B3GAT2: variants seen among roughly 807,000 people sequenced by gnomAD.
B3GAT2 encodes the protein beta-1,3-glucuronyltransferase 2.
Under a neutral mutation model 27.8 loss-of-function variants are expected in B3GAT2, and 26 were observed. The ratio of observed to expected loss-of-function variants is 0.93; its 90% CI spans 0.68 to 1.30. The LOEUF (loss-of-function observed/expected upper bound fraction) is 1.30. Ranked by LOEUF, B3GAT2 falls within the 50% of genes most tolerant of loss-of-function variation. The pLI, the probability that B3GAT2 is intolerant of heterozygous loss-of-function variation, is 0.00. For missense variants in B3GAT2, 458 were observed against 459.0 expected (o/e 1.00, Z 0.02); for synonymous variants, 218 against 195.1 (o/e 1.12, Z -0.98).
chr6:70,883,548 G>A (rs1772132705), intron 2 of B3GAT2, among the ~76,000 whole-genome samples: 2 of 151,972 alleles, frequency 1.3e-5, no homozygotes, highest in Admixed American at 1.3e-4. Context: ...GTAGAATTGT[G>A]GTAACCAGGG....
chr6:70,918,950 A>G (rs985948584), intron 1 of B3GAT2, among the ~76,000 whole-genome samples: 3 of 152,076 alleles, frequency 2.0e-5, no homozygotes, highest in Non-Finnish European at 4.4e-5. Context: ...CTGCCTTGCT[A>G]GGTTGGGGAA....
chr6:70,896,786 C>T (rs1006114186), intron 1 of B3GAT2, among the ~76,000 whole-genome samples: 1 of 152,186 alleles, frequency 6.6e-6, no homozygotes, highest in African/African-American at 2.4e-5. Flanking sequence ...GTAGTTCATA[C>T]CACAGTTTAC....
At chr6:70,896,298 G>A (rs1172438682) in intron 1 of B3GAT2, among the ~76,000 whole-genome samples, 1 of 152,148 alleles carries the variant, frequency 6.6e-6, no homozygotes, top group Non-Finnish European at 1.5e-5. Flanking sequence ...TTCTACGTCA[G>A]TGTAATAAGT....
At chr6:70,918,748 T>G (rs1772818050) in intron 1 of B3GAT2, among the ~76,000 whole-genome samples, 1 of 152,216 alleles carries the variant, frequency 6.6e-6, no homozygotes. Context: ...CTTGTAGTGT[T>G]TCTGCTGAGA....
intron 1 of B3GAT2, among the ~76,000 whole-genome samples, chr6:70,911,376 G>A (rs759173827): frequency 8.5e-5 from 13 of 152,120 alleles, no homozygotes; most frequent in African/African-American, 9.6e-5. Flanking sequence ...TATGGGTAGC[G>A]ATCCATCCCG....
In B3GAT2 at chr6:70,859,909, G is replaced by T. The variant is rs555614672; in HGVS notation, c.*1754C>A. On this transcript the variant is annotated 3_prime_UTR_variant, in exon 4 of 4. Transcript: ENST00000230053. The stretch of plus-strand genomic sequence containing the variant: ...AGTAGTTAAAGCACAATATCCTAGT[G>T]TAGGTGAAAGTTAGTTAGAGTAGCG... 7 of 262,006 alleles carry T rather than the reference G, an allele frequency of 2.7e-5. No homozygotes were observed. The highest frequency in any genetic ancestry group is 4.3e-5 in the Non-Finnish European group (6 of 138,644). The allele number at this position is 262,006 out of a possible 1,614,324, so 16.2% of individuals were successfully genotyped here. A position where few individuals can be genotyped will look rare whatever the true frequency, so the allele number is the denominator to read the frequency against.
intron 1 of B3GAT2, among the ~76,000 whole-genome samples, chr6:70,911,469 G>C (rs1261006533): frequency 6.6e-6 from 1 of 152,106 alleles, no homozygotes; most frequent in Admixed American, 6.5e-5. Context: ...TGAGTACACA[G>C]CTTTATTTCT....
At chr6:70,886,989 C>T (rs1772199213) in intron 2 of B3GAT2, among the ~76,000 whole-genome samples, 1 of 152,158 alleles carries the variant, frequency 6.6e-6, no homozygotes, top group African/African-American at 2.4e-5. Context: ...GTCCCTAGAT[C>T]CTGCACTAAA....
At position 70,860,391 on chromosome 6, in the gene B3GAT2, A is replaced by C; in HGVS notation, c.*1272T>G. ...CACCTGACATTCCTTGCTGAAACGC[A>C]TCTAGTTCCCCTGTTTATTCATATG... On this transcript the variant is annotated 3_prime_UTR_variant, in exon 4 of 4. Transcript: ENST00000230053. The C allele has an allele frequency of 1.3e-6, 2 of 1,560,640 alleles. No homozygotes were observed. The highest frequency in any genetic ancestry group is 1.7e-6 in the Non-Finnish European group (2 of 1,155,670).
At chr6:70,917,479 T>C (rs536736168) in intron 1 of B3GAT2, among the ~76,000 whole-genome samples, 4 of 152,286 alleles carry the variant, frequency 2.6e-5, no homozygotes, top group African/African-American at 9.6e-5. Flanking sequence ...TCTTTTATAA[T>C]TGCAATGTTA....
chr6:70,956,004 C>G lies in B3GAT2; in HGVS notation c.426G>C (p.Val142=). Residue 142 remains valine, a synonymous_variant, in exon 1 of 4, where the codon GTG becomes GTC. Transcript: ENST00000230053. ...GCCGCTTGTAGCGCCGCGGCGTGGG[C>G]ACGTGCAGGTGAGTGCTGGGCAGCC... ...RAGLPSTHLH[V]PTPRRYKRPG... The G allele has an allele frequency of 2.0e-6, 3 of 1,464,510 alleles. No homozygotes were observed. Among genetic ancestry groups the G allele is most frequent in the Non-Finnish European group, 2.7e-6 (3 of 1,119,004 alleles). The allele number at this position is 1,464,510 out of a possible 1,614,324, so 90.7% of individuals were successfully genotyped here.
intron 2 of B3GAT2, among the ~76,000 whole-genome samples, chr6:70,874,981 T>C (rs745722290): frequency 6.6e-6 from 1 of 151,818 alleles, no homozygotes; most frequent in Non-Finnish European, 1.5e-5. Context: ...ACAATACTGC[T>C]CTTACCAAGA....
In B3GAT2 at chr6:70,916,352, T is replaced by A. The variant is rs111263924; in HGVS notation, c.592-22080A>T. Among the ~76,000 whole-genome samples the A allele has an allele frequency of 9.3e-3, 1,415 of 151,912 alleles. 10 individuals carry two copies. The highest frequency in any genetic ancestry group is 0.048 in the Middle Eastern group (14 of 294). ...ATAATCATGTCATCTACAAACAGACTATTTGACTTCCTCTTTTCCTAATTG... is the reference window on the plus strand; with the variant it reads ...ATAATCATGTCATCTACAAACAGACAATTTGACTTCCTCTTTTCCTAATTG... On this transcript the variant is annotated intron_variant, in intron 1 of 3. Coordinates refer to ENST00000230053, the MANE Select transcript of B3GAT2 (RefSeq NM_080742.3).
chr6:70,861,883 T>G lies in B3GAT2; in HGVS notation c.832A>C (p.Lys278Gln), dbSNP rs780331613. 2 of 1,613,998 alleles carry G rather than the reference T, an allele frequency of 1.2e-6. No homozygotes were observed. The highest frequency in any genetic ancestry group is 2.2e-5 in the South Asian group (2 of 91,076). Reference protein sequence around the residue: ...QPGMQESDFLKQITTVEELEP... With the variant: ...QPGMQESDFLQQITTVEELEP... ...AGTTCTTCGACTGTTGTTATCTGTT[T>G]GAGAAAGTCAGATTCTTGCATCCCT... is the stretch of plus-strand genomic sequence containing the variant. Residue 278 changes from lysine (K) to glutamine (Q), a missense_variant, in exon 3 of 4, where the codon AAA becomes CAA. Coordinates refer to ENST00000230053, the MANE Select transcript of B3GAT2 (RefSeq NM_080742.3).
rs563857492 is a variant in B3GAT2, at chr6:70,927,296, A to T, written c.591+28543T>A. On this transcript the variant is annotated intron_variant, in intron 1 of 3. Coordinates refer to ENST00000230053, the MANE Select transcript of B3GAT2 (RefSeq NM_080742.3). ...ATGAGCAAAATAACCAGCTAACATC[A>T]TGATGACAGGATCAAATTCACACAT... Among the ~76,000 whole-genome samples the T allele has an allele frequency of 4.6e-3, 698 of 152,360 alleles. 5 individuals are homozygous for T. The highest frequency in any genetic ancestry group is 0.016 in the African/African-American group (659 of 41,592).
rs756504326 is a variant in B3GAT2 at position 70,857,266 on chromosome 6, T to C, written c.*4397A>G. 41 of 338,138 alleles carry C rather than the reference T, an allele frequency of 1.2e-4. No homozygotes were observed. The highest frequency in any genetic ancestry group is 8.2e-4 in the Middle Eastern group (1 of 1,222). The allele number at this position is 338,138 out of a possible 1,614,324, so 20.9% of individuals were successfully genotyped here. A position where few individuals can be genotyped will look rare whatever the true frequency, so the allele number is the denominator to read the frequency against. On this transcript the variant is annotated 3_prime_UTR_variant, in exon 4 of 4. Transcript: ENST00000230053. ...AACAAGCTGTTCATAGATCACTAAATGTTGTTTCACAAGCTTATAGAACAT... is the reference window on the plus strand; with the variant it reads ...AACAAGCTGTTCATAGATCACTAAACGTTGTTTCACAAGCTTATAGAACAT...
intron 2 of B3GAT2, among the ~76,000 whole-genome samples, chr6:70,868,251 A>C (rs924438866): frequency 2.6e-5 from 4 of 152,240 alleles, no homozygotes; most frequent in African/African-American, 7.2e-5. Context: ...GATTGGAATG[A>C]GGCAAGGATG....
At position 70,858,297 on chromosome 6, in the gene B3GAT2, T is replaced by TTG; in HGVS notation, c.*3365_*3366insCA. Reference sequence around the variant, plus strand: ...ATTTATTTTCTAAATCTTTTTTTTTTTTTTTTTTTTTTTTTTTTAAGTCTA... The same window carrying TTG: ...ATTTATTTTCTAAATCTTTTTTTTTTTGTTTTTTTTTTTTTTTTTTAAGTCTA... On this transcript the variant is annotated 3_prime_UTR_variant, in exon 4 of 4. Coordinates refer to ENST00000230053, the MANE Select transcript of B3GAT2 (RefSeq NM_080742.3). 8.2e-7 allele frequency: 1 copy of TTG among 1,221,100 alleles called. No individual in the cohort carries two copies. The highest frequency in any genetic ancestry group is 1.1e-6 in the Non-Finnish European group (1 of 915,906). The allele number at this position is 1,221,100 out of a possible 1,614,324, so 75.6% of individuals were successfully genotyped here. A position where few individuals can be genotyped will look rare whatever the true frequency, so the allele number is the denominator to read the frequency against.
At chr6:70,875,004 T>TAA (rs879737909) in intron 2 of B3GAT2, among the ~76,000 whole-genome samples, 2 of 143,994 alleles carry the variant, frequency 1.4e-5, no homozygotes, top group African/African-American at 2.6e-5. Context: ...TAGCCTTTTT[T>TAA]AAAAAAAAAA....
Sources: gnomAD v4.1 joint callset for allele counts (sites outside exome capture counted in the v4.1 genomes callset) on GRCh38, gnomAD v4.1.1 for gene constraint, MANE v1.5 for transcripts, NCBI Gene and HGNC (gene_info 2026-07-23, HGNC 2026-07-21) for gene names.